Variants in TM9SF4 observed in about 807,000 individuals in gnomAD.
The protein encoded by TM9SF4 is transmembrane 9 superfamily member 4, also known as dinucleotide oxidase disulfide thiol exchanger 3 superfamily member 4.
In TM9SF4, 26 loss-of-function variants were observed where a neutral mutation model predicts 90.4. The observed-to-expected ratio is 0.29, with a 90% CI of 0.21 to 0.40. The LOEUF is 0.40. TM9SF4 is among the 10% of genes least tolerant of loss of function. TM9SF4 has a pLI of 1.00. For missense variants in TM9SF4, 549 were observed against 834.8 expected, an observed-to-expected ratio of 0.66 and a Z score of 4.22; for synonymous variants, 293 against 315.4, an observed-to-expected ratio of 0.93 and a Z score of 0.75.
rs949415556 is a variant in TM9SF4 at position 32,157,926 on chromosome 20, C to T, written c.1462C>T (p.Arg488Trp). 3.1e-6 allele frequency: 5 copies of T among 1,614,060 alleles called. No individual in the cohort carries two copies. The highest frequency in any genetic ancestry group is 4.2e-6 in the Non-Finnish European group (5 of 1,180,002). Residue 488 changes from arginine to tryptophan, a missense_variant, in exon 14 of 18, where the codon CGG (arginine) becomes TGG (tryptophan). Physicochemically the swap from Arg to Trp is moderately radical, Grantham distance 101 (BLOSUM62 -3). Transcript: ENST00000398022. ...CCCTGTGCGCACCAACCAGATTCCC[C>T]GGCAGATCCCCGAGCAGCGGTGGTA... ...DNPVRTNQIPRQIPEQRWYMN... is the reference protein window; with the variant it reads ...DNPVRTNQIPWQIPEQRWYMN...
intron 8 of TM9SF4, 38 bp from the exon 9 acceptor site, chr20:32,146,747 C>T (rs186495103): frequency 2.4e-5 from 39 of 1,605,476 alleles, no homozygotes; most frequent in South Asian, 1.9e-4. Flanking sequence ...TTGCTGGCAG[C>T]GCCAACTTCT....
chr20:32,143,728 CT>C (rs112570972), intron 6 of TM9SF4, among the ~76,000 whole-genome samples: 174 of 144,956 alleles, frequency 1.2e-3, no homozygotes, highest in Middle Eastern at 3.5e-3. Flanking sequence ...GGTATTTGGA[CT>C]TTTTTTTTTT....
chr20:32,165,639 C>T lies in TM9SF4; in HGVS notation c.*195C>T. The T allele has an allele frequency of 1.6e-6, 1 of 624,816 alleles. No individual in the cohort carries two copies. The highest frequency in any genetic ancestry group is 2.7e-6 in the Non-Finnish European group (1 of 368,682). 38.7% of individuals were successfully genotyped at this position (624,816 alleles called of 1,614,324 possible). The stretch of plus-strand genomic sequence containing the variant: ...TCTTGCGTTTTTCGTCATCTTATTC[C>T]AGTTCTGTGGGGGATGAGTTTTTTT... On this transcript the variant is annotated 3_prime_UTR_variant, in exon 18 of 18. Coordinates refer to ENST00000398022, the MANE Select transcript of TM9SF4 (RefSeq NM_014742.4).
intron 1 of TM9SF4, among the ~76,000 whole-genome samples, chr20:32,132,345 A>G (rs2046530485): frequency 6.6e-6 from 1 of 152,090 alleles, no homozygotes; most frequent in Admixed American, 6.6e-5. Flanking sequence ...CAGAGGTTGC[A>G]GTGACCTGAG....
At chr20:32,147,351 G>T (rs2046778478) in intron 9 of TM9SF4, among the ~76,000 whole-genome samples, 1 of 152,096 alleles carries the variant, frequency 6.6e-6, no homozygotes, top group African/African-American at 2.4e-5. Flanking sequence ...AAAGTGATAG[G>T]GATGGCCTTT....
At chr20:32,122,489 C>A (rs543668294) in intron 1 of TM9SF4, among the ~76,000 whole-genome samples, 1 of 146,118 alleles carries the variant, frequency 6.8e-6, no homozygotes, top group South Asian at 2.3e-4. Context: ...ACTTCTCAGA[C>A]GGGGCGGCCG....
intron 6 of TM9SF4, among the ~76,000 whole-genome samples, chr20:32,143,637 C>CT (rs1430609456): frequency 4.6e-5 from 7 of 152,200 alleles, no homozygotes; most frequent in African/African-American, 1.7e-4. Flanking sequence ...GCTGGTCCGG[C>CT]TTTGCCTCAC....
intron 1 of TM9SF4, among the ~76,000 whole-genome samples, chr20:32,129,814 A>G (rs1004243845): frequency 6.6e-6 from 1 of 152,044 alleles, no homozygotes; most frequent in Non-Finnish European, 1.5e-5. Context: ...CGAACTCCTG[A>G]CCTCAGGTGA....
At chr20:32,153,754 A>G (rs2046876937) in intron 12 of TM9SF4, among the ~76,000 whole-genome samples, 1 of 152,198 alleles carries the variant, frequency 6.6e-6, no homozygotes, top group Non-Finnish European at 1.5e-5. Flanking sequence ...TGAAGAAAAT[A>G]GAAGAAAAAG....
intron 3 of TM9SF4, 83 bp from the exon 4 acceptor site, chr20:32,141,414 G>A (rs1021460422): frequency 1.1e-4 from 172 of 1,525,518 alleles, no homozygotes; most frequent in Middle Eastern, 1.1e-3. Context: ...TGTTTGCCCC[G>A]CAGTCCTGTG....
At position 32,149,641 on chromosome 20, in the gene TM9SF4, C is replaced by T; in HGVS notation, c.962C>T (p.Thr321Ile). 1 of 1,614,202 alleles carries T rather than the reference C, an allele frequency of 6.2e-7. No individual in the cohort carries two copies. The highest frequency in any genetic ancestry group is 8.5e-7 in the Non-Finnish European group (1 of 1,180,044). The change falls in exon 10 of 18, where the codon ACC becomes ATC. Residue 321 changes from threonine to isoleucine, a missense_variant. By Grantham distance (89) the Thr-to-Ile change is moderately conservative (BLOSUM62 -1). Around this residue, in one of 2 missense-constraint regions of TM9SF4, gnomAD observed 495 missense variants for 711.7 expected, o/e 0.70. Coordinates refer to ENST00000398022, the MANE Select transcript of TM9SF4 (RefSeq NM_014742.4). ...TCTGGCCCTTCGCTGCAGGAAGACA[C>T]CATGGAGGAGTCTGGGTGGAAGTTG... The part of the protein sequence containing the change: ...NYNKEDDIED[T>I]MEESGWKLVH...
intron 16 of TM9SF4, 74 bp downstream of exon 16, chr20:32,160,185 G>T: frequency 6.2e-7 from 1 of 1,600,096 alleles, no homozygotes; most frequent in East Asian, 2.2e-5. Flanking sequence ...GAGGCTCTGC[G>T]GAGAGGCTGG....
intron 16 of TM9SF4, among the ~76,000 whole-genome samples, chr20:32,160,909 C>T (rs1413426669): frequency 3.1e-5 from 4 of 130,492 alleles, no homozygotes; most frequent in Non-Finnish European, 6.2e-5. Context: ...GAGATCGCAC[C>T]ACTGCACTCC....
chr20:32,164,652 C>T (rs776688438), intron 17 of TM9SF4, among the ~76,000 whole-genome samples: 1 of 152,198 alleles, frequency 6.6e-6, no homozygotes, highest in Non-Finnish European at 1.5e-5. Context: ...GGGCTACTGG[C>T]ATTCTGTGAC....
intron 2 of TM9SF4, among the ~76,000 whole-genome samples, chr20:32,134,780 C>T (rs1281563651): frequency 6.6e-6 from 1 of 151,790 alleles, no homozygotes; most frequent in African/African-American, 2.4e-5. Context: ...TCAAGCAATT[C>T]TCCTGCCTCA....
intron 1 of TM9SF4, among the ~76,000 whole-genome samples, chr20:32,123,866 A>ATATATATATATTTTTTTTTTTTTTT: frequency 5.3e-5 from 5 of 93,964 alleles, no homozygotes; most frequent in East Asian, 7.4e-4. Context: ...ATATATATAT[A>ATATATATATATTTTTTTTTTTTTTT]TTTTTTTTTT....
At chr20:32,158,150 C>T (rs1239985841) in intron 14 of TM9SF4, among the ~76,000 whole-genome samples, 181 bp downstream of exon 14, 1 of 152,032 alleles carries the variant, frequency 6.6e-6, no homozygotes, top group Non-Finnish European at 1.5e-5. Context: ...TGGTGTCATC[C>T]TAGGAACCAG....
rs760525983 is a variant in TM9SF4, at chr20:32,141,832, G to C, written c.465G>C (p.Lys155Asn). 3 of 1,613,996 alleles carry C rather than the reference G, an allele frequency of 1.9e-6. No homozygotes were observed. The highest frequency in any genetic ancestry group is 2.7e-5 in the African/African-American group (2 of 74,902). ...ELYSNRDSDDKKKEKDVQFEH... is the reference protein window; with the variant it reads ...ELYSNRDSDDNKKEKDVQFEH... ...ACTCCAACCGAGACAGCGATGACAAGAAGAAGGAAAAAGATGTGCAGTTTG... is the reference window on the plus strand; with the variant it reads ...ACTCCAACCGAGACAGCGATGACAACAAGAAGGAAAAAGATGTGCAGTTTG... Residue 155 changes from lysine to asparagine, a missense_variant, in exon 5 of 18, where the codon AAG (lysine) becomes AAC (asparagine). Coordinates refer to ENST00000398022, the MANE Select transcript of TM9SF4 (RefSeq NM_014742.4).
rs749989376 is a variant in TM9SF4, at chr20:32,149,622, C to G, written c.955-12C>G. On this transcript the variant is annotated splice_polypyrimidine_tract_variant and intron_variant, in intron 9 of 17. Coordinates refer to ENST00000398022, the MANE Select transcript of TM9SF4 (RefSeq NM_014742.4). ...CTTCAACAACCAGCCTCACTCTGGC[C>G]CTTCGCTGCAGGAAGACACCATGGA... 1.9e-6 allele frequency: 3 copies of G among 1,614,192 alleles called. No homozygotes were observed. Among genetic ancestry groups the G allele is most frequent in the African/African-American group, 1.3e-5 (1 of 75,038 alleles).
Sources: gnomAD v4.1 joint callset for allele counts (sites outside exome capture counted in the v4.1 genomes callset) on GRCh38, gnomAD v4.1.1 for gene constraint, gnomAD v4.1.1 regional missense constraint, MANE v1.5 for transcripts, NCBI Gene and HGNC (gene_info 2026-07-23, HGNC 2026-07-21) for gene names.